CCDC178: variants seen among roughly 807,000 people sequenced by gnomAD.
CCDC178 encodes the protein coiled-coil domain containing 178, also known as coiled-coil domain-containing protein 178.
In CCDC178, 126 loss-of-function variants were observed where a neutral mutation model predicts 117.4. That is an observed-to-expected ratio of 1.07 (90% CI 0.93 to 1.24). The LOEUF is 1.24. Among genes scored for constraint, CCDC178 ranks in the 50% most tolerant of loss-of-function variants. CCDC178 has a pLI of 0.00. For missense variants in CCDC178, 1,030 were observed against 986.9 expected (o/e 1.04, Z -0.59); for synonymous variants, 283 against 313.4 (o/e 0.90, Z 1.02).
chr18:33,019,913 ATATTATTATTATTATTATTAT>A (rs35536059), intron 21 of CCDC178, among the ~76,000 whole-genome samples: 60 of 137,700 alleles, frequency 4.4e-4, no homozygotes, highest in Admixed American at 2.2e-3. Context: ...CTTAACTGAG[ATATTATTATTATTATTATTAT>A]TATTATTATT....
In CCDC178 at chr18:33,248,085, G is replaced by C. The variant is rs138175675; in HGVS notation, c.1410-2657C>G. On this transcript the variant is annotated intron_variant, in intron 14 of 22. Transcript: ENST00000383096. ...CTAAAGATATTGTGATAAAACAGCA[G>C]AATATTAAAGATACTTATTAAGGAC... Among the ~76,000 whole-genome samples the C allele has an allele frequency of 2.5e-3, 382 of 151,748 alleles. 3 individuals are homozygous for C. The highest frequency in any genetic ancestry group is 8.6e-3 in the African/African-American group (356 of 41,436).
chr18:33,228,696 G>A (rs1394608144), intron 15 of CCDC178, among the ~76,000 whole-genome samples: 1 of 152,172 alleles, frequency 6.6e-6, no homozygotes, highest in African/African-American at 2.4e-5. Context: ...GATCCAGACA[G>A]CCAGGTTAAA....
chr18:33,227,564 A>G (rs1178253245), intron 15 of CCDC178, among the ~76,000 whole-genome samples: 8 of 142,972 alleles, frequency 5.6e-5, no homozygotes, highest in Admixed American at 2.8e-4. Context: ...GTGTATATAT[A>G]TATATATATA....
chr18:33,130,142 A>T (rs1460539902), intron 20 of CCDC178, among the ~76,000 whole-genome samples: 1 of 151,998 alleles, frequency 6.6e-6, no homozygotes, highest in East Asian at 1.9e-4. Flanking sequence ...ATAAGTGTAA[A>T]GTCATTACCG....
chr18:33,249,060 G>T (rs1288646947), intron 14 of CCDC178, among the ~76,000 whole-genome samples: 3 of 152,094 alleles, frequency 2.0e-5, no homozygotes, highest in Admixed American at 6.6e-5. Context: ...CTGCATAAAT[G>T]TCTTCTTTTG....
chr18:33,405,267 T>C (rs1419371430), intron 3 of CCDC178, among the ~76,000 whole-genome samples: 3 of 151,704 alleles, frequency 2.0e-5, no homozygotes, highest in Non-Finnish European at 4.4e-5. Flanking sequence ...TTTATATAAT[T>C]TAAATTTTAA....
intron 14 of CCDC178, among the ~76,000 whole-genome samples, chr18:33,250,957 A>T (rs915793266): frequency 6.6e-6 from 1 of 151,694 alleles, no homozygotes; most frequent in Non-Finnish European, 1.5e-5. Context: ...ATGTCATCAG[A>T]TGTCCTACCA....
intron 12 of CCDC178, among the ~76,000 whole-genome samples, chr18:33,273,053 A>G (rs982906337): frequency 2.0e-5 from 3 of 150,854 alleles, no homozygotes; most frequent in African/African-American, 7.3e-5. Context: ...AAAAAAAAAT[A>G]AAAATAAAAA....
intron 21 of CCDC178, among the ~76,000 whole-genome samples, chr18:33,089,794 A>G (rs2145063776): frequency 6.6e-6 from 1 of 152,298 alleles, no homozygotes; most frequent in African/African-American, 2.4e-5. Flanking sequence ...AAGATAAAAT[A>G]TTAAAAATGA....
chr18:32,948,823 T>G (rs1242705476), intron 22 of CCDC178, among the ~76,000 whole-genome samples: 1 of 152,108 alleles, frequency 6.6e-6, no homozygotes, highest in Non-Finnish European at 1.5e-5. Context: ...TATTCCTTCA[T>G]GTCATTATCA....
chr18:32,997,955 C>T (rs538619061), intron 21 of CCDC178, among the ~76,000 whole-genome samples: 49 of 152,286 alleles, frequency 3.2e-4, no homozygotes, highest in African/African-American at 1.1e-3. Context: ...ATTGTCCTCC[C>T]GACAGGAGCA....
intron 3 of CCDC178, among the ~76,000 whole-genome samples, chr18:33,410,472 T>C (rs1435285039): frequency 1.3e-5 from 2 of 152,104 alleles, no homozygotes; most frequent in African/African-American, 2.4e-5. Flanking sequence ...TTAATGTTGA[T>C]AGAAGAAATA....
intron 21 of CCDC178, among the ~76,000 whole-genome samples, chr18:33,050,025 G>A (rs1055434544): frequency 1.3e-5 from 2 of 152,056 alleles, no homozygotes; most frequent in Non-Finnish European, 1.5e-5. Flanking sequence ...AGTTTGCCGT[G>A]ATCTGAGATC....
chr18:33,082,570 G>T (rs1428446600), intron 21 of CCDC178, among the ~76,000 whole-genome samples: 1 of 152,148 alleles, frequency 6.6e-6, no homozygotes, highest in African/African-American at 2.4e-5. Context: ...TAATTGAAAT[G>T]ATTGTGTGGC....
intron 22 of CCDC178, among the ~76,000 whole-genome samples, chr18:32,955,928 T>G (rs923872178): frequency 6.6e-6 from 1 of 152,202 alleles, no homozygotes; most frequent in Non-Finnish European, 1.5e-5. Context: ...CTTATATTAC[T>G]GTTTTCCTCC....
intron 2 of CCDC178, among the ~76,000 whole-genome samples, chr18:33,426,324 C>T (rs2064124714): frequency 6.6e-6 from 1 of 152,198 alleles, no homozygotes; most frequent in South Asian, 2.1e-4. Flanking sequence ...GTTTATGTCA[C>T]TGTGACTTAT....
chr18:33,035,041 A>G (rs1023624629), intron 21 of CCDC178, among the ~76,000 whole-genome samples: 3 of 152,014 alleles, frequency 2.0e-5, no homozygotes, highest in Non-Finnish European at 4.4e-5. Context: ...TGTTTATTTA[A>G]GGTCAGCTGT....
intron 21 of CCDC178, among the ~76,000 whole-genome samples, chr18:33,058,561 T>C (rs896196225): frequency 2.0e-5 from 3 of 152,188 alleles, no homozygotes; most frequent in African/African-American, 4.8e-5. Context: ...CACAGCCATG[T>C]AGAGATTACA....
intron 5 of CCDC178, among the ~76,000 whole-genome samples, chr18:33,385,064 T>A (rs918824288): frequency 6.6e-6 from 1 of 152,146 alleles, no homozygotes; most frequent in African/African-American, 2.4e-5. Context: ...GAGGTTGCAA[T>A]TGTAGTTTCT....
Sources: gnomAD v4.1 joint callset for allele counts (sites outside exome capture counted in the v4.1 genomes callset) on GRCh38, gnomAD v4.1.1 for gene constraint, MANE v1.5 for transcripts, NCBI Gene and HGNC (gene_info 2026-07-23, HGNC 2026-07-21) for gene names.